INTS6: variants seen among roughly 807,000 people sequenced by gnomAD.
The protein encoded by INTS6 is integrator complex subunit 6, also known as DEAD box protein.
In INTS6, 16 loss-of-function variants were observed where a neutral mutation model predicts 104.9. The ratio of observed to expected loss-of-function variants is 0.15; its 90% CI spans 0.10 to 0.23. INTS6 has a LOEUF of 0.23. INTS6 is among the 10% of genes least tolerant of loss of function. INTS6 has a pLI of 1.00. For synonymous variants in INTS6, 324 were observed against 358.7 expected, an observed-to-expected ratio of 0.90 and a Z score of 1.09; for missense variants, 584 against 1,062.8, an observed-to-expected ratio of 0.55 and a Z score of 6.26.
intron 3 of INTS6, chr13:51,436,978 C>A (rs1388185837): frequency 6.6e-6 from 1 of 152,018 alleles, no homozygotes; most frequent in African/African-American, 2.4e-5. Context: ...TGGGGCCAGG[C>A]ACGGTGGCTC....
chr13:51,452,968 G>T lies in INTS6; in HGVS notation c.-443C>A. ...AAGATTGGCCCTGGGGCTGTTGGGAGAAGTTTCAGGGACTCCCTCCGCACC... is the reference window on the plus strand; with the variant it reads ...AAGATTGGCCCTGGGGCTGTTGGGATAAGTTTCAGGGACTCCCTCCGCACC... On this transcript the variant is annotated 5_prime_UTR_variant, in exon 1 of 18. Transcript: ENST00000311234. This position sits in a 1 kb window ranked among gnomAD's most constrained non-coding sequence, Gnocchi z 4.2. 9.8e-7 allele frequency: 1 copy of T among 1,019,310 alleles called. No individual in the cohort carries two copies. The allele number at this position is 1,019,310 out of a possible 1,614,324, so 63.1% of individuals were successfully genotyped here. A position where few individuals can be genotyped will look rare whatever the true frequency, so the allele number is the denominator to read the frequency against.
intron 3 of INTS6, among the ~76,000 whole-genome samples, chr13:51,432,117 C>A (rs978837577): frequency 6.6e-6 from 1 of 152,142 alleles, no homozygotes; most frequent in Admixed American, 6.6e-5. Flanking sequence ...CAGTTTAAAT[C>A]TCTGCATTTT....
At chr13:51,373,480 A>G (rs1403764318) in intron 15 of INTS6, among the ~76,000 whole-genome samples, 1 of 152,180 alleles carries the variant, frequency 6.6e-6, no homozygotes, top group African/African-American at 2.4e-5. Flanking sequence ...TGTCCTTAGA[A>G]TAAAGTTGAA....
intron 3 of INTS6, chr13:51,443,797 A>G (rs1176792161): frequency 6.6e-6 from 1 of 152,204 alleles, no homozygotes; most frequent in Middle Eastern, 3.2e-3. Flanking sequence ...GCCAAAAATC[A>G]TTTTATATAT....
chr13:51,358,455 C>T (rs1244996209), downstream of INTS6, among the ~76,000 whole-genome samples: 1 of 152,230 alleles, frequency 6.6e-6, no homozygotes, highest in East Asian at 1.9e-4. Flanking sequence ...CAACAAAGCA[C>T]TGAAACAATC....
chr13:51,396,373 T>C (rs1427430240), intron 4 of INTS6, among the ~76,000 whole-genome samples: 1 of 152,190 alleles, frequency 6.6e-6, no homozygotes, highest in East Asian at 1.9e-4. Flanking sequence ...GTGTTGCATG[T>C]TTTATTAATA....
chr13:51,388,390 T>C (rs1451135301), intron 6 of INTS6, among the ~76,000 whole-genome samples: 4 of 151,808 alleles, frequency 2.6e-5, no homozygotes, highest in African/African-American at 7.2e-5. Context: ...TTTGTTTTTG[T>C]TTTTGTTTTT....
intron 15 of INTS6, among the ~76,000 whole-genome samples, chr13:51,372,341 C>T (rs1215677094): frequency 1.3e-5 from 2 of 151,330 alleles, no homozygotes; most frequent in Non-Finnish European, 2.9e-5. Flanking sequence ...GGGACAACTA[C>T]CCACTCAATT....
intron 4 of INTS6, among the ~76,000 whole-genome samples, chr13:51,407,495 T>C (rs1260129585): frequency 1.3e-5 from 2 of 152,034 alleles, no homozygotes; most frequent in Non-Finnish European, 2.9e-5. Flanking sequence ...AGCACTAGGA[T>C]GATTGATAAC....
downstream of INTS6, among the ~76,000 whole-genome samples, chr13:51,351,569 T>C (rs1955403107): frequency 6.6e-6 from 1 of 152,174 alleles, no homozygotes; most frequent in Admixed American, 6.5e-5. Context: ...AAATACTTTG[T>C]CATTCTGTGG....
intron 3 of INTS6, among the ~76,000 whole-genome samples, chr13:51,355,548 C>G (rs1566195310): frequency 6.6e-6 from 1 of 152,068 alleles, no homozygotes; most frequent in Non-Finnish European, 1.5e-5. Context: ...TTCCCAATAC[C>G]TTCTCTGTCC....
At chr13:51,427,414 CAGA>C (rs1479084840) in intron 4 of INTS6, among the ~76,000 whole-genome samples, 6 of 152,100 alleles carry the variant, frequency 3.9e-5, no homozygotes, top group Non-Finnish European at 7.4e-5. Flanking sequence ...AATACAAACA[CAGA>C]AGAACAATAC....
rs780855394 is a variant in INTS6, at chr13:51,452,086, G to A, written c.112-31C>T. 27 of 1,597,184 alleles carry A rather than the reference G, an allele frequency of 1.7e-5. No individual in the cohort carries two copies. In the South Asian group the frequency reaches 3.0e-4, roughly 18 times the overall value. On this transcript the variant is annotated intron_variant, in intron 1 of 17. Transcript: ENST00000311234. This position sits in a 1 kb window ranked among gnomAD's most constrained non-coding sequence, Gnocchi z 4.2. ...GGACGGGAGGAGGAACAGGGCGGGC[G>A]ACAGGGAAGCACAGAGGCGAGGTTA... is the stretch of plus-strand genomic sequence containing the variant.
chr13:51,384,852 G>C, intron 7 of INTS6: 1 of 365,952 alleles, frequency 2.7e-6, no homozygotes, highest in South Asian at 2.1e-5. Context: ...ACTTTAATTT[G>C]GGCCTTCATC....
intron 11 of INTS6, 69 bp downstream of exon 11, chr13:51,379,393 A>T: frequency 1.4e-6 from 1 of 736,908 alleles, no homozygotes. Flanking sequence ...ACTAGCTTTT[A>T]ACCTGTTTAA....
At chr13:51,409,854 C>T (rs773155363) in intron 4 of INTS6, among the ~76,000 whole-genome samples, 34 of 151,802 alleles carry the variant, frequency 2.2e-4, no homozygotes, top group Admixed American at 1.6e-3. Flanking sequence ...TGATTTTGTA[C>T]GTAAAAAGCT....
At chr13:51,384,490 C>T (rs1475952238) in intron 7 of INTS6, 2 of 384,016 alleles carry the variant, frequency 5.2e-6, no homozygotes, top group Admixed American at 3.1e-5. Context: ...CTGCTTATAC[C>T]CTGGTGGTTC....
intron 4 of INTS6, among the ~76,000 whole-genome samples, chr13:51,398,160 T>C (rs979078997): frequency 2.0e-5 from 3 of 151,770 alleles, no homozygotes; most frequent in Admixed American, 1.3e-4. Flanking sequence ...GGCAGGCAAA[T>C]AGAAACAGGA....
At chr13:51,399,559 A>T (rs79875053) in intron 4 of INTS6, among the ~76,000 whole-genome samples, 263 of 152,278 alleles carry the variant, frequency 1.7e-3, no homozygotes, top group African/African-American at 6.1e-3. Context: ...CTGGATATGA[A>T]TATGTTTACT....
Sources: allele counts gnomAD v4.1 joint callset (sites outside exome capture counted in the v4.1 genomes callset), GRCh38; gene constraint gnomAD v4.1.1; non-coding constraint Gnocchi (gnomAD v3.1); transcripts MANE v1.5; gene names NCBI Gene and HGNC (gene_info 2026-07-23, HGNC 2026-07-21).